The following TANGO6 variants were observed in gnomAD, a reference collection of about 807,000 sequenced individuals.
The protein encoded by TANGO6 is transport and Golgi organization protein 6 homolog.
A neutral mutation model predicts 114.2 loss-of-function variants in TANGO6; 90 were observed. The ratio of observed to expected loss-of-function variants is 0.79; its 90% CI spans 0.66 to 0.94. The LOEUF is 0.94. TANGO6 is among the 40% of genes least tolerant of loss of function. TANGO6 has a pLI of 0.00. For missense variants in TANGO6, 1,274 were observed against 1,315.3 expected (o/e 0.97, Z 0.49); for synonymous variants, 477 against 509.8 (o/e 0.94, Z 0.87).
chr16:69,031,898 T>C (rs934555716), intron 16 of TANGO6, among the ~76,000 whole-genome samples: 2 of 151,790 alleles, frequency 1.3e-5, no homozygotes, highest in African/African-American at 4.8e-5. Flanking sequence ...CCTGAGTTCA[T>C]GCAACCTGCC....
At chr16:68,850,483 A>G (rs1313192977) in intron 1 of TANGO6, among the ~76,000 whole-genome samples, 1 of 152,168 alleles carries the variant, frequency 6.6e-6, no homozygotes, top group Non-Finnish European at 1.5e-5. Flanking sequence ...CAAATCCAAC[A>G]TTACCACTAC....
At chr16:68,861,192 A>ACTACCC (rs1962087038) in intron 2 of TANGO6, among the ~76,000 whole-genome samples, 1 of 152,124 alleles carries the variant, frequency 6.6e-6, no homozygotes, top group Admixed American at 6.5e-5. Flanking sequence ...AGCAGGAAGC[A>ACTACCC]CTACCCCCGC....
chr16:69,023,522 T>C (rs189958621), intron 16 of TANGO6, among the ~76,000 whole-genome samples: 1 of 152,306 alleles, frequency 6.6e-6, no homozygotes, highest in Non-Finnish European at 1.5e-5. Flanking sequence ...GAAAGTCATC[T>C]TAACCTACCT....
chr16:68,849,705 C>G (rs900457988), intron 1 of TANGO6, among the ~76,000 whole-genome samples: 1 of 151,808 alleles, frequency 6.6e-6, no homozygotes, highest in Admixed American at 6.6e-5. Flanking sequence ...TGCTTTCAGA[C>G]TTTTTGAAGG....
At chr16:68,846,519 G>A (rs1440636813) in intron 1 of TANGO6, 3 of 338,428 alleles carry the variant, frequency 8.9e-6, no homozygotes, top group Non-Finnish European at 1.7e-5. Flanking sequence ...TTTTTTAGAC[G>A]GAGTCTTGCT....
At chr16:68,848,910 G>A (rs1221770210) in intron 1 of TANGO6, among the ~76,000 whole-genome samples, 2 of 151,800 alleles carry the variant, frequency 1.3e-5, no homozygotes, top group Admixed American at 6.6e-5. Context: ...GTCTTTGATC[G>A]ACTCCTTGCT....
At chr16:68,948,654 C>T (rs1449519542) in intron 14 of TANGO6, among the ~76,000 whole-genome samples, 2 of 152,146 alleles carry the variant, frequency 1.3e-5, no homozygotes, top group Non-Finnish European at 2.9e-5. Flanking sequence ...CTGTTTATAA[C>T]TTAATAGTAT....
chr16:68,964,067 T>C (rs1963620566), intron 14 of TANGO6, among the ~76,000 whole-genome samples: 1 of 152,010 alleles, frequency 6.6e-6, no homozygotes, highest in African/African-American at 2.4e-5. Context: ...AAAGACAAAA[T>C]TTGTTAAAAT....
intron 15 of TANGO6, among the ~76,000 whole-genome samples, chr16:68,985,148 C>T (rs964977399): frequency 2.6e-5 from 4 of 152,082 alleles, no homozygotes; most frequent in Non-Finnish European, 5.9e-5. Context: ...GTTAGGATTA[C>T]AGGCGTGAAC....
chr16:68,844,716 A>T (rs577481203), intron 1 of TANGO6, among the ~76,000 whole-genome samples: 1 of 152,280 alleles, frequency 6.6e-6, no homozygotes, highest in Non-Finnish European at 1.5e-5. Flanking sequence ...CTGTTGACAT[A>T]CACATCATTT....
chr16:69,062,821 C>T (rs897578860), intron 17 of TANGO6, among the ~76,000 whole-genome samples: 4 of 147,928 alleles, frequency 2.7e-5, no homozygotes, highest in East Asian at 2.0e-4. Context: ...ATCAGCCAGG[C>T]GCAGTGCCTC....
rs747723316 is a variant in TANGO6 at position 68,878,262 on chromosome 16, C to G, written c.1276C>G (p.Arg426Gly). The change falls in exon 6 of 18, where the codon CGA becomes GGA. Residue 426 changes from arginine to glycine, a missense_variant. Physicochemically the swap from Arg to Gly is moderately radical, Grantham distance 125 (BLOSUM62 -2). This residue lies in a region of TANGO6 where 908 missense variants were observed against 910.2 expected (regional missense o/e 1.00). Transcript: ENST00000261778. ...LLQPVLAPLH[R>G]CLNTAELSES... The stretch of plus-strand genomic sequence containing the variant: ...CCAGCCAGTGTTAGCTCCTCTTCAT[C>G]GATGTTTGAATACAGCAGGTAAAGG... 3 of 1,607,866 alleles carry G rather than the reference C, an allele frequency of 1.9e-6. No individual in the cohort carries two copies. Among genetic ancestry groups the G allele is most frequent in the African/African-American group, 1.3e-5 (1 of 74,798 alleles).
At chr16:68,851,404 C>T (rs980957543) in intron 1 of TANGO6, among the ~76,000 whole-genome samples, 1 of 152,140 alleles carries the variant, frequency 6.6e-6, no homozygotes, top group Non-Finnish European at 1.5e-5. Context: ...GTGATCCGCC[C>T]ACCTCGGCCT....
intron 14 of TANGO6, among the ~76,000 whole-genome samples, chr16:68,939,497 A>G (rs980391593): frequency 2.6e-5 from 4 of 152,198 alleles, no homozygotes; most frequent in South Asian, 2.1e-4. Context: ...CAACTTTAGA[A>G]AAGGGACCAC....
intron 14 of TANGO6, among the ~76,000 whole-genome samples, chr16:68,947,789 A>T (rs1287930987): frequency 6.6e-6 from 1 of 151,874 alleles, no homozygotes; most frequent in Non-Finnish European, 1.5e-5. Context: ...ATGGGGTTTC[A>T]CCGTGTTGGC....
chr16:69,025,808 AT>A (rs1959492454), intron 16 of TANGO6: 2 of 155,914 alleles, frequency 1.3e-5, no homozygotes, highest in Non-Finnish European at 2.8e-5. Context: ...AAAACTCTTT[AT>A]TTTTAAGACA....
chr16:69,042,549 AAAAC>A (rs1959790577), intron 17 of TANGO6, among the ~76,000 whole-genome samples: 1 of 152,160 alleles, frequency 6.6e-6, no homozygotes, highest in Admixed American at 6.5e-5. Flanking sequence ...TCCTTCTCAA[AAAAC>A]AAACAAAAAA....
At chr16:68,993,437 A>G (rs1213518338) in intron 15 of TANGO6, among the ~76,000 whole-genome samples, 2 of 152,230 alleles carry the variant, frequency 1.3e-5, no homozygotes, top group Non-Finnish European at 2.9e-5. Flanking sequence ...TTTGAAATAG[A>G]TTTTTGCATT....
chr16:68,872,677 T>C (rs1194403587), intron 4 of TANGO6, among the ~76,000 whole-genome samples: 1 of 151,794 alleles, frequency 6.6e-6, no homozygotes, highest in East Asian at 1.9e-4. Context: ...TTTTTTTTTT[T>C]TTTTTAGATG....
Sources: allele counts gnomAD v4.1 joint callset (sites outside exome capture counted in the v4.1 genomes callset), GRCh38; gene constraint gnomAD v4.1.1; regional missense constraint gnomAD v4.1.1; transcripts MANE v1.5; gene names NCBI Gene and HGNC (gene_info 2026-07-23, HGNC 2026-07-21).